BMP6: variants seen among roughly 807,000 people sequenced by gnomAD.
The protein encoded by BMP6 is VG-1-R.
In BMP6, 17 loss-of-function variants were observed where a neutral mutation model predicts 54.1. The observed-to-expected ratio is 0.31, with a 90% CI of 0.22 to 0.47. BMP6 has a LOEUF of 0.47. Among genes scored for constraint, BMP6 ranks in the 20% least tolerant of loss-of-function variants. The pLI is 1.00. For synonymous variants in BMP6, 328 were observed against 291.2 expected, an observed-to-expected ratio of 1.13 and a Z score of -1.28; for missense variants, 720 against 690.4, an observed-to-expected ratio of 1.04 and a Z score of -0.48.
intron 1 of BMP6, among the ~76,000 whole-genome samples, chr6:7,796,698 T>A (rs1026182861): frequency 3.3e-5 from 5 of 152,244 alleles, no homozygotes; most frequent in Non-Finnish European, 5.9e-5. Flanking sequence ...ATGTTTTCTC[T>A]TTTACTACTT....
At chr6:7,742,350 A>C (rs1267698461) in intron 1 of BMP6, among the ~76,000 whole-genome samples, 3 of 152,200 alleles carry the variant, frequency 2.0e-5, no homozygotes, top group Non-Finnish European at 4.4e-5. Flanking sequence ...GAAAGCTTCG[A>C]GCTTTCATGC....
chr6:7,842,488 C>T (rs1758990195), intron 1 of BMP6, among the ~76,000 whole-genome samples: 1 of 152,126 alleles, frequency 6.6e-6, no homozygotes, highest in Admixed American at 6.6e-5. Context: ...AGGGTAGTCA[C>T]ACTTCTTAGA....
chr6:7,827,892 A>C (rs916508180), intron 1 of BMP6, among the ~76,000 whole-genome samples: 1 of 152,212 alleles, frequency 6.6e-6, no homozygotes, highest in African/African-American at 2.4e-5. Flanking sequence ...GATTGGCGTC[A>C]ATTTGGGTCT....
chr6:7,783,362 G>A (rs1331121168), intron 1 of BMP6, among the ~76,000 whole-genome samples: 2 of 152,256 alleles, frequency 1.3e-5, no homozygotes, highest in Non-Finnish European at 2.9e-5. Flanking sequence ...TGCTGTTCCT[G>A]TCCTCTATGA....
chr6:7,758,652 G>T (rs1169116229), intron 1 of BMP6, among the ~76,000 whole-genome samples: 1 of 152,218 alleles, frequency 6.6e-6, no homozygotes, highest in African/African-American at 2.4e-5. Context: ...GAAGCTTTAA[G>T]ATGCCTTAGA....
intron 2 of BMP6, among the ~76,000 whole-genome samples, chr6:7,856,594 C>CCTTTTTTTTTTTTTTTTTTT (rs1561792989): frequency 2.6e-5 from 2 of 77,254 alleles, no homozygotes; most frequent in Admixed American, 1.8e-4. Context: ...TTATCAAGAG[C>CCTTTTTTTTTTTTTTTTTTT]ATTTTTTTTT....
chr6:7,760,274 C>T (rs1757593754), intron 1 of BMP6, among the ~76,000 whole-genome samples: 1 of 151,932 alleles, frequency 6.6e-6, no homozygotes, highest in Non-Finnish European at 1.5e-5. Context: ...GAAATTAAAA[C>T]AGGAACTGTG....
intron 1 of BMP6, among the ~76,000 whole-genome samples, chr6:7,798,947 A>G (rs1758231230): frequency 6.6e-6 from 1 of 152,234 alleles, no homozygotes; most frequent in South Asian, 2.1e-4. Context: ...TGGCAGGCCT[A>G]GGGAGATTGG....
intron 4 of BMP6, among the ~76,000 whole-genome samples, chr6:7,872,569 C>T (rs1171495983): frequency 6.6e-6 from 1 of 152,206 alleles, no homozygotes; most frequent in Non-Finnish European, 1.5e-5. Context: ...AAAGAAATAG[C>T]TGTTCTTCCA....
At chr6:7,837,400 C>T (rs933966940) in intron 1 of BMP6, among the ~76,000 whole-genome samples, 6 of 151,864 alleles carry the variant, frequency 4.0e-5, no homozygotes, top group Admixed American at 2.6e-4. Flanking sequence ...AGTGAACGTA[C>T]AAATTCGGAT....
intron 1 of BMP6, among the ~76,000 whole-genome samples, chr6:7,776,472 G>T (rs1030171572): frequency 9.2e-5 from 14 of 152,310 alleles, no homozygotes; most frequent in African/African-American, 3.4e-4. Flanking sequence ...TATTTAGTTG[G>T]CAAGTCATGT....
chr6:7,837,320 A>G (rs1561787399), intron 1 of BMP6, among the ~76,000 whole-genome samples: 1 of 152,232 alleles, frequency 6.6e-6, no homozygotes, highest in Non-Finnish European at 1.5e-5. Flanking sequence ...TATATATTAA[A>G]ATATCTTTAT....
intron 1 of BMP6, among the ~76,000 whole-genome samples, chr6:7,782,638 G>A (rs1757963989): frequency 6.6e-6 from 1 of 152,188 alleles, no homozygotes; most frequent in African/African-American, 2.4e-5. Flanking sequence ...GGGAGGCAGA[G>A]GTTGTAGTGC....
At chr6:7,864,010 G>GAAAA (rs5874117) in intron 4 of BMP6, among the ~76,000 whole-genome samples, 1 of 128,912 alleles carries the variant, frequency 7.8e-6, no homozygotes, top group African/African-American at 2.8e-5. Flanking sequence ...AGACTCCATC[G>GAAAA]AAAAAAAAAA....
At chr6:7,770,889 A>C (rs926195443) in intron 1 of BMP6, among the ~76,000 whole-genome samples, 3 of 152,222 alleles carry the variant, frequency 2.0e-5, no homozygotes, top group African/African-American at 7.2e-5. Flanking sequence ...TATTGAGTGA[A>C]TCCATCTCTG....
rs545730824 is a variant in BMP6, at chr6:7,845,456, G to A, written c.857+124G>A. 1.6e-5 allele frequency: 13 copies of A among 803,506 alleles called. No individual in the cohort carries two copies. In the South Asian group the frequency reaches 2.6e-4, roughly 16 times the overall value. The allele number at this position is 803,506 out of a possible 1,614,324, so 49.8% of individuals were successfully genotyped here. On this transcript the variant is annotated intron_variant, in intron 2 of 6. Transcript: ENST00000283147. ...GAGTTCAGGGGCAGCATGTGAGTAC[G>A]ATGAGGTGGGTGTTGTAAATGGGAG...
intron 1 of BMP6, among the ~76,000 whole-genome samples, chr6:7,730,505 G>A (rs1166916814): frequency 6.6e-6 from 1 of 152,196 alleles, no homozygotes; most frequent in East Asian, 1.9e-4. Context: ...TATACTGATA[G>A]TGTGAAGAGA....
At chr6:7,839,375 C>T (rs973037499) in intron 1 of BMP6, among the ~76,000 whole-genome samples, 1 of 152,228 alleles carries the variant, frequency 6.6e-6, no homozygotes, top group Non-Finnish European at 1.5e-5. Context: ...TAAGGACATT[C>T]ACATTGATTG....
intron 4 of BMP6, among the ~76,000 whole-genome samples, chr6:7,874,546 A>C (rs1428531477): frequency 1.3e-5 from 2 of 152,206 alleles, no homozygotes; most frequent in Non-Finnish European, 2.9e-5. Flanking sequence ...ACTTGAGCCC[A>C]GGAGTTCAGG....
Sources: gnomAD v4.1 joint callset for allele counts (sites outside exome capture counted in the v4.1 genomes callset) on GRCh38, gnomAD v4.1.1 for gene constraint, MANE v1.5 for transcripts, NCBI Gene and HGNC (gene_info 2026-07-23, HGNC 2026-07-21) for gene names.